CHRNA7: variants seen among roughly 807,000 people sequenced by gnomAD.
CHRNA7 encodes neuronal acetylcholine receptor subunit alpha-7.
In CHRNA7, 17 loss-of-function variants were observed where a neutral mutation model predicts 48.0. The ratio of observed to expected loss-of-function variants is 0.35; its 90% confidence interval spans 0.24 to 0.53. The LOEUF (loss-of-function observed/expected upper bound fraction) is 0.53. CHRNA7 is among the 20% of genes least tolerant of loss of function. CHRNA7 has a pLI of 0.92. For missense variants in CHRNA7, 155 were observed against 577.7 expected (o/e 0.27, Z 7.50); for synonymous variants, 75 against 242.3 (o/e 0.31, Z 6.41).
intron 2 of CHRNA7, among the ~76,000 whole-genome samples, chr15:32,077,504 G>T (rs571676770): frequency 7.6e-4 from 115 of 152,268 alleles, no homozygotes; most frequent in Non-Finnish European, 1.4e-3. Flanking sequence ...TAAATGTGTA[G>T]TGGTATCTCA....
chr15:32,151,129 A>C (rs2051620053), intron 4 of CHRNA7, among the ~76,000 whole-genome samples: 1 of 151,186 alleles, frequency 6.6e-6, no homozygotes, highest in Admixed American at 6.6e-5. Flanking sequence ...TTTTTCCTAG[A>C]GTTTCTGGTT....
intron 2 of CHRNA7, among the ~76,000 whole-genome samples, chr15:32,094,481 A>G (rs188840945): frequency 1.5e-4 from 23 of 152,296 alleles, no homozygotes; most frequent in African/African-American, 5.3e-4. Context: ...TAAATTAGAA[A>G]CAGAAAACCA....
intron 2 of CHRNA7, among the ~76,000 whole-genome samples, chr15:32,046,386 C>T (rs1489396183): frequency 7.4e-5 from 11 of 148,040 alleles, no homozygotes; most frequent in Non-Finnish European, 8.9e-5. Flanking sequence ...TGGTATCTCA[C>T]TGTGGTTTTG....
At chr15:32,086,453 C>A (rs1398445504) in intron 2 of CHRNA7, among the ~76,000 whole-genome samples, 5 of 151,708 alleles carry the variant, frequency 3.3e-5, no homozygotes, top group Non-Finnish European at 7.4e-5. Flanking sequence ...CTTGAAGGTA[C>A]TGCAGGGAGT....
intron 9 of CHRNA7, among the ~76,000 whole-genome samples, chr15:32,166,755 A>G (rs973453876): frequency 1.4e-5 from 2 of 141,016 alleles, no homozygotes; most frequent in African/African-American, 5.7e-5. Flanking sequence ...ATGCTTCTTT[A>G]CCTGGATTGA....
At chr15:32,054,397 G>A (rs1566807036) in intron 2 of CHRNA7, among the ~76,000 whole-genome samples, 1 of 151,786 alleles carries the variant, frequency 6.6e-6, no homozygotes, top group African/African-American at 2.4e-5. Context: ...CTGTGTTAAA[G>A]GTCTCTCGTA....
chr15:32,054,397 GGTCT>G (rs59456508), intron 2 of CHRNA7, among the ~76,000 whole-genome samples: 41,878 of 151,854 alleles, frequency 0.28, 7,232 homozygotes, highest in East Asian at 0.6. Context: ...CTGTGTTAAA[GGTCT>G]CTCGTAGAGA....
intron 2 of CHRNA7, among the ~76,000 whole-genome samples, chr15:32,037,871 T>C (rs1902168199): frequency 6.6e-6 from 1 of 151,852 alleles, no homozygotes. Context: ...ACAGCTTTAT[T>C]TCTTTTTTCC....
chr15:32,062,850 G>A (rs963630282), intron 2 of CHRNA7, among the ~76,000 whole-genome samples: 1 of 152,116 alleles, frequency 6.6e-6, no homozygotes, highest in African/African-American at 2.4e-5. Context: ...TGCATTATTA[G>A]GCGATTTCGT....
intron 2 of CHRNA7, among the ~76,000 whole-genome samples, chr15:32,058,078 C>T (rs1000129737): frequency 6.6e-6 from 1 of 152,182 alleles, no homozygotes; most frequent in African/African-American, 2.4e-5. Flanking sequence ...GAGTGATTTA[C>T]ACTGACTAGT....
intron 4 of CHRNA7, among the ~76,000 whole-genome samples, chr15:32,141,907 T>A (rs1206513849): frequency 6.6e-6 from 1 of 152,242 alleles, no homozygotes; most frequent in African/African-American, 2.4e-5. Flanking sequence ...TTGAATACCC[T>A]TTATTTCTTT....
intron 2 of CHRNA7, among the ~76,000 whole-genome samples, chr15:32,052,498 A>G (rs1314667733): frequency 6.6e-6 from 1 of 152,148 alleles, no homozygotes; most frequent in Non-Finnish European, 1.5e-5. Flanking sequence ...TGGGAGGCCA[A>G]AGAGGGTAGA....
At chr15:32,139,435 C>G (rs1278051293) in intron 4 of CHRNA7, among the ~76,000 whole-genome samples, 1 of 152,224 alleles carries the variant, frequency 6.6e-6, no homozygotes, top group Middle Eastern at 3.2e-3. Context: ...TAGGAAACTG[C>G]CAAACTGCCT....
intron 4 of CHRNA7, among the ~76,000 whole-genome samples, chr15:32,137,089 G>C (rs189224788): frequency 3.3e-5 from 5 of 150,416 alleles, no homozygotes; most frequent in Admixed American, 1.3e-4. Context: ...GCAATCCAAG[G>C]AGGAAGAAGT....
intron 2 of CHRNA7, among the ~76,000 whole-genome samples, chr15:32,054,446 C>A (rs561810507): frequency 6.6e-6 from 1 of 152,140 alleles, no homozygotes; most frequent in Non-Finnish European, 1.5e-5. Context: ...ATTCTTTAAC[C>A]CTATTCTAAA....
intron 2 of CHRNA7, among the ~76,000 whole-genome samples, chr15:32,080,336 A>G (rs2050196917): frequency 6.6e-6 from 1 of 152,238 alleles, no homozygotes; most frequent in Non-Finnish European, 1.5e-5. Flanking sequence ...AGCAAAAGAA[A>G]CTGTCATCAC....
intron 2 of CHRNA7, among the ~76,000 whole-genome samples, chr15:32,088,744 C>G (rs1326983576): frequency 6.6e-6 from 1 of 151,206 alleles, no homozygotes; most frequent in Non-Finnish European, 1.5e-5. Context: ...GTTGCCTGTT[C>G]ATATCATTTG....
chr15:32,059,028 G>A (rs1409028147), intron 2 of CHRNA7, among the ~76,000 whole-genome samples: 1 of 151,558 alleles, frequency 6.6e-6, no homozygotes. Flanking sequence ...TTTTGGGACA[G>A]AGTCTTACTC....
intron 4 of CHRNA7, chr15:32,112,306 A>G (rs984021097): frequency 2.2e-6 from 1 of 459,286 alleles, no homozygotes; most frequent in African/African-American, 2.0e-5. Flanking sequence ...TTGGACCCAC[A>G]TCCTCGTCTA....
Sources: gnomAD v4.1 joint callset for allele counts (sites outside exome capture counted in the v4.1 genomes callset) on GRCh38, gnomAD v4.1.1 for gene constraint, MANE v1.5 for transcripts, NCBI Gene and HGNC (gene_info 2026-07-23, HGNC 2026-07-21) for gene names.